The following CACNA2D1 variants were observed in gnomAD, a reference collection of about 807,000 sequenced individuals.
CACNA2D1 encodes the protein calcium voltage-gated channel auxiliary subunit alpha2delta 1, also known as voltage-dependent calcium channel subunit alpha-2/delta-1.
In CACNA2D1, 53 loss-of-function variants were observed where a neutral mutation model predicts 171.5. That is an observed-to-expected ratio of 0.31 (90% CI 0.25 to 0.39). CACNA2D1 has a LOEUF of 0.39. CACNA2D1 is among the 10% of genes least tolerant of loss of function. CACNA2D1 has a pLI of 1.00. For synonymous variants in CACNA2D1, 442 were observed against 443.1 expected (o/e 1.00, Z 0.03); for missense variants, 903 against 1,299.8 (o/e 0.69, Z 4.69).
At chr7:82,160,543 C>T (rs1266377768) in intron 4 of CACNA2D1, among the ~76,000 whole-genome samples, 1 of 151,952 alleles carries the variant, frequency 6.6e-6, no homozygotes, top group African/African-American at 2.4e-5. Context: ...AGAAGAAATG[C>T]TCCATTACCT....
intron 3 of CACNA2D1, among the ~76,000 whole-genome samples, chr7:82,282,571 AG>A (rs1810250924): frequency 6.6e-6 from 1 of 152,192 alleles, no homozygotes; most frequent in Admixed American, 6.5e-5. Flanking sequence ...CTGATTTCCC[AG>A]TATACTTAAC....
intron 6 of CACNA2D1, among the ~76,000 whole-genome samples, chr7:82,111,571 C>T (rs891454044): frequency 2.0e-5 from 3 of 150,390 alleles, no homozygotes; most frequent in Non-Finnish European, 3.0e-5. Flanking sequence ...CCTCTGCCTT[C>T]CAAGGAGCTG....
At chr7:82,414,831 T>C (rs1447168542) in intron 1 of CACNA2D1, among the ~76,000 whole-genome samples, 1 of 152,222 alleles carries the variant, frequency 6.6e-6, no homozygotes, top group Non-Finnish European at 1.5e-5. Flanking sequence ...TCCGTAAAAT[T>C]GACTGTTTAG....
chr7:82,312,073 T>A (rs942877563), intron 3 of CACNA2D1, among the ~76,000 whole-genome samples: 5 of 152,204 alleles, frequency 3.3e-5, no homozygotes, highest in African/African-American at 1.2e-4. Context: ...AAATTTCATA[T>A]GAAAAAGTTA....
chr7:81,946,848 T>C lies in CACNA2D1; in HGVS notation c.*3544A>G, dbSNP rs2129865689. On this transcript the variant is annotated 3_prime_UTR_variant, in exon 39 of 39. Transcript: ENST00000356860. ...GAAATAAGGTAGATGAAGAGTTGTC[T>C]AATTCTTCAAAAATCTGGAATTTTT... 1 of 152,218 alleles carries C rather than the reference T, an allele frequency of 6.6e-6. No homozygotes were observed. Among genetic ancestry groups the C allele is most frequent in the Non-Finnish European group, 1.5e-5 (1 of 67,974 alleles). 9.4% of individuals were successfully genotyped at this position (152,218 alleles called of 1,614,324 possible).
intron 3 of CACNA2D1, among the ~76,000 whole-genome samples, chr7:82,272,728 T>C (rs1808799840): frequency 1.3e-5 from 2 of 152,206 alleles, no homozygotes; most frequent in South Asian, 2.1e-4. Context: ...AGTACTTCTT[T>C]TGGTAAACTT....
chr7:82,129,571 G>C (rs1790720275), intron 5 of CACNA2D1, among the ~76,000 whole-genome samples: 1 of 152,112 alleles, frequency 6.6e-6, no homozygotes, highest in Admixed American at 6.6e-5. Flanking sequence ...TTTTCATTTT[G>C]ATGGTTTTAG....
chr7:82,011,329 G>A (rs1799748798), intron 15 of CACNA2D1, among the ~76,000 whole-genome samples: 1 of 152,104 alleles, frequency 6.6e-6, no homozygotes. Flanking sequence ...ACAAGTTTAT[G>A]TTGGGCTGCA....
chr7:82,258,665 C>A (rs1283527658), intron 3 of CACNA2D1, among the ~76,000 whole-genome samples: 1 of 152,202 alleles, frequency 6.6e-6, no homozygotes, highest in South Asian at 2.1e-4. Context: ...AAATATTAAT[C>A]ATGCCTCTGT....
At chr7:82,120,880 A>C (rs960577058) in intron 5 of CACNA2D1, among the ~76,000 whole-genome samples, 9 of 151,632 alleles carry the variant, frequency 5.9e-5, no homozygotes, top group Non-Finnish European at 1.3e-4. Context: ...ATCTCAAAAA[A>C]AAAAAAAAAA....
At chr7:82,007,487 G>A (rs1799249022) in intron 16 of CACNA2D1, among the ~76,000 whole-genome samples, 192 bp downstream of exon 16, 1 of 152,024 alleles carries the variant, frequency 6.6e-6, no homozygotes. Flanking sequence ...TTGGCTCTAG[G>A]GCAACAGAGA....
At chr7:82,252,007 C>T (rs1247865185) in intron 3 of CACNA2D1, among the ~76,000 whole-genome samples, 1 of 152,132 alleles carries the variant, frequency 6.6e-6, no homozygotes, top group African/African-American at 2.4e-5. Flanking sequence ...CTGTGTCTTT[C>T]AAAATACAAG....
At chr7:82,405,290 A>C (rs530949766) in intron 1 of CACNA2D1, among the ~76,000 whole-genome samples, 40 of 152,296 alleles carry the variant, frequency 2.6e-4, no homozygotes, top group African/African-American at 8.9e-4. Flanking sequence ...AAATGTATGT[A>C]TCAAATCTGT....
intron 3 of CACNA2D1, among the ~76,000 whole-genome samples, chr7:82,242,257 T>C (rs1347957330): frequency 5.4e-5 from 8 of 147,840 alleles, no homozygotes; most frequent in Admixed American, 2.0e-4. Context: ...GAGTGTACAA[T>C]ACATCATACT....
At chr7:82,098,857 C>G (rs1285644612) in intron 6 of CACNA2D1, among the ~76,000 whole-genome samples, 3 of 152,160 alleles carry the variant, frequency 2.0e-5, no homozygotes, top group Non-Finnish European at 4.4e-5. Context: ...GATTTAATTA[C>G]TTAGAAACTT....
At chr7:82,362,929 A>G (rs1821233266) in intron 1 of CACNA2D1, among the ~76,000 whole-genome samples, 3 of 152,156 alleles carry the variant, frequency 2.0e-5, no homozygotes, top group Admixed American at 2.0e-4. Flanking sequence ...TTACCCTACT[A>G]AAAACCTTTT....
intron 4 of CACNA2D1, among the ~76,000 whole-genome samples, chr7:82,142,286 GC>G (rs1442733340): frequency 6.6e-6 from 1 of 152,164 alleles, no homozygotes; most frequent in African/African-American, 2.4e-5. Context: ...TAATACTGCT[GC>G]TTACTGAAAT....
At chr7:82,194,542 T>G (rs1446118613) in intron 3 of CACNA2D1, among the ~76,000 whole-genome samples, 1 of 151,978 alleles carries the variant, frequency 6.6e-6, no homozygotes, top group Non-Finnish European at 1.5e-5. Flanking sequence ...TAATGAATAA[T>G]AGCTATTAAA....
At chr7:82,395,039 T>C (rs1174485685) in intron 1 of CACNA2D1, among the ~76,000 whole-genome samples, 1 of 152,176 alleles carries the variant, frequency 6.6e-6, no homozygotes, top group Non-Finnish European at 1.5e-5. Flanking sequence ...TGCTACTATC[T>C]CCTATATTTG....
Sources: gnomAD v4.1 joint callset for allele counts (sites outside exome capture counted in the v4.1 genomes callset) on GRCh38, gnomAD v4.1.1 for gene constraint, MANE v1.5 for transcripts, NCBI Gene and HGNC (gene_info 2026-07-23, HGNC 2026-07-21) for gene names.